The following TAOK1 variants were observed in gnomAD, a reference collection of about 807,000 sequenced individuals.
TAOK1 encodes serine/threonine-protein kinase TAO1.
In TAOK1, 21 loss-of-function variants were observed where a neutral mutation model predicts 138.3. The ratio of observed to expected loss-of-function variants is 0.15; its 90% CI spans 0.11 to 0.22. The LOEUF is 0.22. Ranked by LOEUF, TAOK1 falls within the 10% of genes least tolerant of loss-of-function variation. TAOK1 has a pLI of 1.00. For missense variants in TAOK1, 651 were observed against 1,227.7 expected, an observed-to-expected ratio of 0.53 and a Z score of 7.02; for synonymous variants, 361 against 398.4, an observed-to-expected ratio of 0.91 and a Z score of 1.12.
intron 19 of TAOK1, among the ~76,000 whole-genome samples, chr17:29,536,292 C>G (rs1278365751): frequency 6.6e-6 from 1 of 150,502 alleles, no homozygotes; most frequent in Non-Finnish European, 1.5e-5. Context: ...GAGCGAGACT[C>G]TGTCTCAAAA....
chr17:29,460,028 A>G (rs1598490084), intron 2 of TAOK1, among the ~76,000 whole-genome samples: 1 of 152,078 alleles, frequency 6.6e-6, no homozygotes, highest in Non-Finnish European at 1.5e-5. Context: ...TTTTCCTCAG[A>G]CCTCTTTAGG....
rs962955376 is a variant in TAOK1, at chr17:29,482,366, T to C, written c.655+78T>C. On this transcript the variant is annotated intron_variant, in intron 8 of 19. Transcript: ENST00000261716. ...CAATTTCTGTACCAATCTATAAAAATTATAGATTTTTATCTTAAATGTCAC... is the reference window on the plus strand; with the variant it reads ...CAATTTCTGTACCAATCTATAAAAACTATAGATTTTTATCTTAAATGTCAC... 4.5e-6 allele frequency: 5 copies of C among 1,106,542 alleles called. No individual in the cohort carries two copies. In the African/African-American group the frequency reaches 6.4e-5, roughly 14 times the overall value. 68.5% of individuals were successfully genotyped at this position (1,106,542 alleles called of 1,614,324 possible). A position where few individuals can be genotyped will look rare whatever the true frequency, so the allele number is the denominator to read the frequency against.
At chr17:29,536,732 CTG>C (rs2032230093) in intron 19 of TAOK1, among the ~76,000 whole-genome samples, 1 of 136,154 alleles carries the variant, frequency 7.3e-6, no homozygotes, top group Admixed American at 7.9e-5. Context: ...CGGAGTCTGG[CTG>C]TGTGGCCCAG....
rs2031452661 is a variant in TAOK1 at position 29,498,353 on chromosome 17, T to C, written c.1035T>C (p.Val345=). Residue 345 remains valine (V), a synonymous_variant, in exon 12 of 20, where the codon GTT becomes GTC. Transcript: ENST00000261716. ...QDHGVGRTGT[V]NSVGSNQSIP... ...ATGGTGTTGGCCGGACAGGAACAGT[T>C]AATAGTGTTGGAAGTAATCAATCCA... 2 of 1,614,030 alleles carry C rather than the reference T, an allele frequency of 1.2e-6. No individual in the cohort carries two copies. Among genetic ancestry groups the C allele is most frequent in the Admixed American group, 1.7e-5 (1 of 59,990 alleles).
chr17:29,536,106 C>T (rs898145997), intron 19 of TAOK1, among the ~76,000 whole-genome samples: 1 of 151,158 alleles, frequency 6.6e-6, no homozygotes, highest in Admixed American at 6.6e-5. Context: ...CAAGACCAGC[C>T]TGGCCAACAT....
chr17:29,405,733 C>T (rs981159416), intron 1 of TAOK1, among the ~76,000 whole-genome samples: 16 of 151,994 alleles, frequency 1.1e-4, no homozygotes, highest in African/African-American at 3.6e-4. Context: ...GAGCCGACAT[C>T]GAACCTCTCT....
At chr17:29,462,936 G>A (rs2030564725) in intron 2 of TAOK1, among the ~76,000 whole-genome samples, 1 of 152,114 alleles carries the variant, frequency 6.6e-6, no homozygotes, top group Non-Finnish European at 1.5e-5. Flanking sequence ...TAGATGATGT[G>A]TAGTATTGTG....
chr17:29,391,282 T>A (rs1904417474), intron 1 of TAOK1, among the ~76,000 whole-genome samples: 2 of 152,138 alleles, frequency 1.3e-5, no homozygotes, highest in African/African-American at 4.8e-5. Context: ...GAGGAAGGTG[T>A]GGCCCTCACA....
chr17:29,537,722 G>C (rs905184997), intron 19 of TAOK1, among the ~76,000 whole-genome samples: 5 of 150,716 alleles, frequency 3.3e-5, no homozygotes, highest in Middle Eastern at 3.4e-3. Flanking sequence ...CAAATTACAG[G>C]AAAAAAGGAA....
chr17:29,417,745 C>G (rs1905304098), intron 1 of TAOK1, among the ~76,000 whole-genome samples: 1 of 152,210 alleles, frequency 6.6e-6, no homozygotes, highest in South Asian at 2.1e-4. Context: ...ATCTTTGTGG[C>G]TGGACATGGC....
chr17:29,499,560 C>CTTTTT (rs200387206), intron 12 of TAOK1, among the ~76,000 whole-genome samples: 3 of 109,156 alleles, frequency 2.7e-5, no homozygotes, highest in Admixed American at 1.0e-4. Flanking sequence ...TTCTTTCTTT[C>CTTTTT]TTTCTTTTTT....
intron 1 of TAOK1, among the ~76,000 whole-genome samples, chr17:29,444,439 G>T (rs2030026648): frequency 6.6e-6 from 1 of 152,278 alleles, no homozygotes; most frequent in South Asian, 2.1e-4. Flanking sequence ...GTTATGCACT[G>T]GATGCTGTTA....
chr17:29,457,841 T>G (rs2153024848), intron 2 of TAOK1, among the ~76,000 whole-genome samples: 1 of 152,060 alleles, frequency 6.6e-6, no homozygotes, highest in Admixed American at 6.5e-5. Flanking sequence ...CCAGGCACGG[T>G]GGCTCACGCG....
At chr17:29,494,263 C>T (rs1013108488) in intron 10 of TAOK1, among the ~76,000 whole-genome samples, 4 of 151,904 alleles carry the variant, frequency 2.6e-5, no homozygotes, top group Admixed American at 2.6e-4. Flanking sequence ...AGAGGCTGGG[C>T]GCAGTGGTGT....
intron 1 of TAOK1, among the ~76,000 whole-genome samples, chr17:29,421,317 T>C (rs1459513870): frequency 6.6e-6 from 1 of 152,242 alleles, no homozygotes; most frequent in Non-Finnish European, 1.5e-5. Flanking sequence ...TATATTCTTT[T>C]TATAAACTGC....
At position 29,489,733 on chromosome 17, in the gene TAOK1, C is replaced by G; in HGVS notation, c.725C>G (p.Ser242Cys). ...SALYHIAQNE[S>C]PTLQSNEWSD... Reference sequence around the variant, plus strand: ...TTATATCACATAGCCCAAAATGAATCCCCTACACTACAGTCTAATGAATGG... The same window carrying G: ...TTATATCACATAGCCCAAAATGAATGCCCTACACTACAGTCTAATGAATGG... Residue 242 changes from serine to cysteine, a missense_variant, in exon 9 of 20, where the codon TCC (serine) becomes TGC (cysteine). Transcript: ENST00000261716. 1 of 1,608,966 alleles carries G rather than the reference C, an allele frequency of 6.2e-7. No homozygotes were observed. The highest frequency in any genetic ancestry group is 8.5e-7 in the Non-Finnish European group (1 of 1,177,052).
chr17:29,467,310 G>A, intron 3 of TAOK1, 94 bp downstream of exon 3: 1 of 658,140 alleles, frequency 1.5e-6, no homozygotes, highest in Admixed American at 3.1e-5. Context: ...GTCTCCCTCT[G>A]TAGCCCAGGC....
intron 1 of TAOK1, among the ~76,000 whole-genome samples, chr17:29,395,804 CAT>C (rs2036637703): frequency 6.8e-6 from 1 of 146,610 alleles, no homozygotes; most frequent in Non-Finnish European, 1.5e-5. Flanking sequence ...ACTACAGGTA[CAT>C]GCCACCACGT....
chr17:29,494,698 C>T (rs192659685), intron 10 of TAOK1, among the ~76,000 whole-genome samples: 1 of 151,910 alleles, frequency 6.6e-6, no homozygotes, highest in Non-Finnish European at 1.5e-5. Context: ...TGGTGGCGGG[C>T]TCCTCTAGTC....
Sources: allele counts gnomAD v4.1 joint callset (sites outside exome capture counted in the v4.1 genomes callset), GRCh38; gene constraint gnomAD v4.1.1; transcripts MANE v1.5; gene names NCBI Gene and HGNC (gene_info 2026-07-23, HGNC 2026-07-21).